NUMA1: variants seen among roughly 807,000 people sequenced by gnomAD.
NUMA1 encodes nuclear mitotic apparatus protein 1, also known as SP-H antigen.
Under a neutral mutation model 237.1 loss-of-function variants are expected in NUMA1, and 62 were observed. The ratio of observed to expected loss-of-function variants is 0.26; its 90% CI spans 0.21 to 0.32. NUMA1 has a LOEUF of 0.32. Ranked by LOEUF, NUMA1 falls within the 10% of genes least tolerant of loss-of-function variation. The probability of loss-of-function intolerance (pLI) is 1.00; values close to 1 mark genes in which losing one functional copy is unlikely to be tolerated. For missense variants in NUMA1, 2,533 were observed against 2,666.5 expected, an observed-to-expected ratio of 0.95 and a Z score of 1.10; for synonymous variants, 1,028 against 1,066.1, an observed-to-expected ratio of 0.96 and a Z score of 0.70.
chr11:72,043,850 G>A (rs893870067), intron 2 of NUMA1, among the ~76,000 whole-genome samples: 1 of 152,084 alleles, frequency 6.6e-6, no homozygotes, highest in Admixed American at 6.5e-5. Flanking sequence ...GCTAGGGTGG[G>A]AGAATTCCTT....
intron 13 of NUMA1, 156 bp downstream of exon 13, chr11:72,017,531 T>C: frequency 1.1e-6 from 1 of 905,316 alleles, no homozygotes; most frequent in Non-Finnish European, 1.8e-6. Flanking sequence ...AAAGGTGTAC[T>C]AGACTGAAGC....
intron 23 of NUMA1, 126 bp downstream of exon 23, chr11:72,005,106 AG>A: frequency 8.9e-7 from 1 of 1,122,758 alleles, no homozygotes; most frequent in African/African-American, 1.6e-5. Context: ...TGGAAACATG[AG>A]AAGGTCACCC....
At chr11:72,047,132 C>A (rs931959875) in intron 2 of NUMA1, among the ~76,000 whole-genome samples, 1 of 151,948 alleles carries the variant, frequency 6.6e-6, no homozygotes, top group African/African-American at 2.4e-5. Flanking sequence ...CATGCACATG[C>A]CATCGCATCA....
chr11:72,030,348 AAAAAGAAAAG>A (rs1485446175), intron 3 of NUMA1, among the ~76,000 whole-genome samples: 1 of 152,048 alleles, frequency 6.6e-6, no homozygotes, highest in Non-Finnish European at 1.5e-5. Context: ...AAGGAAAAAA[AAAAAGAAAAG>A]AAAAGAAAAA....
chr11:72,036,422 C>T (rs1399803711), intron 2 of NUMA1, among the ~76,000 whole-genome samples: 2 of 152,228 alleles, frequency 1.3e-5, no homozygotes, highest in Non-Finnish European at 2.9e-5. Context: ...CCACATACAC[C>T]TCTCTGGGTT....
In NUMA1 at chr11:72,015,642, G is replaced by A; in HGVS notation, c.1861C>T (p.Gln621Ter). 6.2e-7 allele frequency: 1 copy of A among 1,613,786 alleles called. No homozygotes were observed. Among genetic ancestry groups the A allele is most frequent in the Non-Finnish European group, 8.5e-7 (1 of 1,180,034 alleles). ...KEKAAKLEIL[Q>*]QQLQVANEAR... is the part of the protein sequence containing the mutation. ...TCATTAGCCACCTGAAGTTGCTGCT[G>A]CAGAATCTCCAGCTTGGCAGCCTTC... is the stretch of plus-strand genomic sequence containing the variant. The change falls in exon 15 of 27, where the codon CAG (glutamine) becomes TAG (stop). Residue 621 changes from glutamine to a stop codon, truncating the protein, a stop_gained. Transcript: ENST00000393695. LOFTEE classifies it high-confidence loss of function. This position sits in a 1 kb window ranked among gnomAD's most constrained non-coding sequence, Gnocchi z 4.0.
intron 2 of NUMA1, chr11:72,040,565 A>C (rs1304177622): frequency 6.5e-6 from 1 of 153,592 alleles, no homozygotes; most frequent in Non-Finnish European, 1.4e-5. Context: ...ATCAGCTGAC[A>C]AAATGAACCT....
Position 72,022,426 on chromosome 11 carries a change from G to A in NUMA1, c.292-7C>T. ...ATAAGAGCAGCATGGTCATCTAGAA[G>A]CCAAACAGGAGGCAGTCACTGAGTG... On this transcript the variant is annotated splice_region_variant and splice_polypyrimidine_tract_variant and intron_variant, in intron 6 of 26. Coordinates refer to ENST00000393695, the MANE Select transcript of NUMA1 (RefSeq NM_006185.4). The A allele has an allele frequency of 6.2e-7, 1 of 1,607,668 alleles. No individual in the cohort carries two copies. The highest frequency in any genetic ancestry group is 2.2e-5 in the East Asian group (1 of 44,778).
intron 2 of NUMA1, chr11:72,066,079 G>T (rs1943183452): frequency 6.6e-6 from 1 of 152,322 alleles, no homozygotes; most frequent in South Asian, 2.1e-4. Flanking sequence ...GCCGAGGTGG[G>T]CGGATTACCT....
rs768855278 is a variant in NUMA1, at chr11:72,014,537, A to G, written c.2966T>C (p.Met989Thr). Residue 989 changes from methionine (M) to threonine (T), a missense_variant, in exon 15 of 27, where the codon ATG becomes ACG. Met to Thr is a moderately conservative substitution (Grantham distance 81). Transcript: ENST00000393695. The surrounding 1 kb of genome is among the most constrained non-coding windows in gnomAD (Gnocchi z 4.6). ...CTCCTGCTGCTGCCCCTGGCTCTCC[A>G]TCAGCGCGGCCCGCAGCCGTTCCAG... ...NELERLRAAL[M>T]ESQGQQQEER... 3 of 1,602,030 alleles carry G rather than the reference A, an allele frequency of 1.9e-6. No homozygotes were observed. The Admixed American group carries it at 5.0e-5, about 27-fold the overall frequency.
intron 24 of NUMA1, 81 bp downstream of exon 24, chr11:72,004,559 G>A (rs1955544508): frequency 2.8e-6 from 4 of 1,438,698 alleles, no homozygotes; most frequent in Admixed American, 4.0e-5. Flanking sequence ...GAAGGAGAGA[G>A]AAGGCTCCCT....
rs1225622908 is a variant in NUMA1, at chr11:72,005,324, TGCTCAG to T, written c.5732_5737del (p.Pro1911_Glu1912del). 1.9e-6 allele frequency: 3 copies of T among 1,608,368 alleles called. No individual in the cohort carries two copies. The highest frequency in any genetic ancestry group is 2.5e-6 in the Non-Finnish European group (3 of 1,177,502). ...TGCAATGCGGTTCCAGTCATCCAGC[TGCTCAG>T]GCTCATCCTGGCAAGTGCCCATGTA... On this transcript the variant is annotated inframe_deletion, in exon 23 of 27. Transcript: ENST00000393695.
In NUMA1 at chr11:72,019,494, T is replaced by C. The variant is rs1310700421; in HGVS notation, c.584A>G (p.Asn195Ser). ...CCAGGAGGAGAGGCCCAGAACATAC[T>C]TGTTCCCACTGGAAGAGGAGGCAAC... ...QKVASSSSGN[N>S]FLSGSPASPM... The change falls in exon 9 of 27, where the codon AAC becomes AGC. Residue 195 changes from asparagine (N) to serine (S), a missense_variant and splice_region_variant. By Grantham distance (46) the Asn-to-Ser change is conservative. Transcript: ENST00000393695. 2 of 1,612,986 alleles carry C rather than the reference T, an allele frequency of 1.2e-6. No individual in the cohort carries two copies. Among genetic ancestry groups the C allele is most frequent in the East Asian group, 2.2e-5 (1 of 44,842 alleles).
intron 1 of NUMA1, chr11:72,076,845 T>C (rs1211010415): frequency 6.6e-6 from 1 of 151,588 alleles, no homozygotes; most frequent in Non-Finnish European, 1.5e-5. Context: ...ATCTTGATTA[T>C]GGCTGCTGTT....
In NUMA1 at chr11:72,021,187, A is replaced by G. The variant is rs1323705495; in HGVS notation, c.460+17T>C. ...TTTCAGAGATGAGGGGATTCTCAGG[A>G]GTGTGTACCTACTTACCTTTCTGTA... is the stretch of plus-strand genomic sequence containing the variant. On this transcript the variant is annotated intron_variant, in intron 8 of 26. Coordinates refer to ENST00000393695, the MANE Select transcript of NUMA1 (RefSeq NM_006185.4). 1 of 1,587,760 alleles carries G rather than the reference A, an allele frequency of 6.3e-7. No homozygotes were observed. The highest frequency in any genetic ancestry group is 1.1e-5 in the South Asian group (1 of 90,592).
At chr11:72,029,785 A>G (rs1940054343) in intron 3 of NUMA1, among the ~76,000 whole-genome samples, 3 of 152,100 alleles carry the variant, frequency 2.0e-5, no homozygotes, top group Admixed American at 2.0e-4. Flanking sequence ...TGAAATATCT[A>G]TTCAAAACTT....
At chr11:72,021,810 C>T (rs767318705) in intron 7 of NUMA1, among the ~76,000 whole-genome samples, 13 of 152,130 alleles carry the variant, frequency 8.5e-5, no homozygotes, top group East Asian at 5.8e-4. Flanking sequence ...GACAGGGTCT[C>T]GCTATGTTAC....
intron 2 of NUMA1, among the ~76,000 whole-genome samples, chr11:72,049,783 A>G (rs995242892): frequency 5.3e-5 from 8 of 150,544 alleles, no homozygotes; most frequent in Non-Finnish European, 1.2e-4. Context: ...TGATCATGCC[A>G]CTGCACTCTA....
intron 3 of NUMA1, among the ~76,000 whole-genome samples, chr11:72,033,715 C>T (rs2135647264): frequency 6.6e-6 from 1 of 152,196 alleles, no homozygotes; most frequent in Non-Finnish European, 1.5e-5. Flanking sequence ...ATGTAAGTAG[C>T]TGCTATAAAT....
Sources: allele counts gnomAD v4.1 joint callset (sites outside exome capture counted in the v4.1 genomes callset), GRCh38; gene constraint gnomAD v4.1.1; non-coding constraint Gnocchi (gnomAD v3.1); transcripts MANE v1.5; gene names NCBI Gene and HGNC (gene_info 2026-07-23, HGNC 2026-07-21).